TBC1D22A: variants seen among roughly 807,000 people sequenced by gnomAD.
TBC1D22A encodes TBC1 domain family member 22A.
A neutral mutation model predicts 60.2 loss-of-function variants in TBC1D22A; 38 were observed. The observed-to-expected ratio is 0.63, with a 90% CI of 0.49 to 0.83. The LOEUF (loss-of-function observed/expected upper bound fraction) is 0.83. Among genes scored for constraint, TBC1D22A ranks in the 40% least tolerant of loss-of-function variants. The probability of loss-of-function intolerance (pLI) is 0.00; values close to 1 mark genes in which losing one functional copy is unlikely to be tolerated. For missense variants in TBC1D22A, 628 were observed against 701.0 expected (o/e 0.90, Z 1.18); for synonymous variants, 302 against 281.7 (o/e 1.07, Z -0.72).
chr22:46,853,106 G>A (rs1984405), intron 4 of TBC1D22A, among the ~76,000 whole-genome samples: 46,488 of 151,996 alleles, frequency 0.31, 7,459 homozygotes, highest in African/African-American at 0.39. Flanking sequence ...TGTCTATGGA[G>A]AGATGGGGGC....
In TBC1D22A at chr22:46,869,128, C is replaced by T. The variant is rs186324823; in HGVS notation, c.638-9525C>T. Among the ~76,000 whole-genome samples the T allele has an allele frequency of 7.9e-5, 12 of 152,318 alleles. No homozygotes were observed. The East Asian group carries it at 2.3e-3, about 29-fold the overall frequency. ...CATTTCTTGTCTGCCTCCTTTACAC[C>T]CTTGTCCTTGTTTATGACATTATTC... is the stretch of plus-strand genomic sequence containing the variant. On this transcript the variant is annotated intron_variant, in intron 4 of 12. Coordinates refer to ENST00000337137, the MANE Select transcript of TBC1D22A (RefSeq NM_014346.5).
intron 1 of TBC1D22A, among the ~76,000 whole-genome samples, chr22:46,765,154 C>T (rs191989351): frequency 2.6e-5 from 4 of 152,290 alleles, no homozygotes; most frequent in Admixed American, 2.6e-4. Flanking sequence ...CTGAAGAGGG[C>T]AGAAGAAGAA....
chr22:47,066,711 C>T (rs552930790), intron 11 of TBC1D22A, among the ~76,000 whole-genome samples: 2 of 152,362 alleles, frequency 1.3e-5, no homozygotes, highest in East Asian at 3.9e-4. Flanking sequence ...CAGCCAGCCT[C>T]TTTGAAACTC....
intron 4 of TBC1D22A, among the ~76,000 whole-genome samples, chr22:46,837,850 C>G (rs1223481615): frequency 3.9e-5 from 6 of 152,162 alleles, no homozygotes; most frequent in Admixed American, 3.9e-4. Context: ...ATCACGAGGT[C>G]AGGAGTTCAA....
intron 10 of TBC1D22A, among the ~76,000 whole-genome samples, chr22:47,019,795 T>C (rs572504569): frequency 6.6e-6 from 1 of 151,462 alleles, no homozygotes; most frequent in African/African-American, 2.4e-5. Flanking sequence ...CCTTCCCCTC[T>C]GCCTTAACCC....
chr22:46,906,479 T>A (rs749284073), intron 7 of TBC1D22A, among the ~76,000 whole-genome samples: 2 of 152,148 alleles, frequency 1.3e-5, no homozygotes, highest in Non-Finnish European at 2.9e-5. Context: ...AGGCAGCACA[T>A]CCCTCAGCAG....
At chr22:46,925,435 C>T (rs543701001) in intron 8 of TBC1D22A, among the ~76,000 whole-genome samples, 1 of 152,390 alleles carries the variant, frequency 6.6e-6, no homozygotes, top group East Asian at 1.9e-4. Context: ...CACATCTTTG[C>T]ATTGCCCACG....
chr22:47,095,008 A>C (rs116314716), intron 11 of TBC1D22A, among the ~76,000 whole-genome samples: 1,763 of 152,382 alleles, frequency 0.012, 33 homozygotes, highest in African/African-American at 0.041. Flanking sequence ...GCTGGGTAGC[A>C]ACAGGCTCAT....
intron 11 of TBC1D22A, among the ~76,000 whole-genome samples, chr22:47,068,726 C>A (rs544201060): frequency 6.6e-6 from 1 of 152,158 alleles, no homozygotes; most frequent in Non-Finnish European, 1.5e-5. Context: ...AACAATTTCA[C>A]GCCGAAATCT....
At chr22:46,834,057 G>A (rs1229532323) in intron 4 of TBC1D22A, among the ~76,000 whole-genome samples, 1 of 151,530 alleles carries the variant, frequency 6.6e-6, no homozygotes, top group Non-Finnish European at 1.5e-5. Context: ...TATTTAAATT[G>A]TATTTGGACC....
chr22:46,792,524 C>T lies in TBC1D22A; in HGVS notation c.67C>T (p.Gln23Ter). The change falls in exon 2 of 13, where the codon CAG (glutamine) becomes TAG (stop). Residue 23 changes from glutamine (Q) to a stop codon, truncating the protein, a stop_gained. Coordinates refer to ENST00000337137, the MANE Select transcript of TBC1D22A (RefSeq NM_014346.5). LOFTEE classifies it high-confidence loss of function. ...TTTCCTTTTCTTTTCCATCAGCATC[C>T]AGCACGTGTATGGTGCCCAGCACCC... is the stretch of plus-strand genomic sequence containing the variant. ...RSNSKLPGSI[Q>*]HVYGAQHPPF... The T allele has an allele frequency of 6.2e-7, 1 of 1,614,222 alleles. No homozygotes were observed. Among genetic ancestry groups the T allele is most frequent in the Non-Finnish European group, 8.5e-7 (1 of 1,180,030 alleles).
chr22:46,814,990 CACTA>C (rs2085532939), intron 4 of TBC1D22A, among the ~76,000 whole-genome samples: 1 of 152,160 alleles, frequency 6.6e-6, no homozygotes, highest in Middle Eastern at 3.2e-3. Flanking sequence ...TTTCCCATGA[CACTA>C]ACTTTCTTTG....
At chr22:47,160,628 C>T (rs966431311) in intron 12 of TBC1D22A, among the ~76,000 whole-genome samples, 19 of 152,324 alleles carry the variant, frequency 1.2e-4, no homozygotes, top group African/African-American at 3.8e-4. Context: ...CAGGGGTCTT[C>T]GCTGGAGCCG....
At position 46,913,480 on chromosome 22, in the gene TBC1D22A, G is replaced by C. The variant is rs747245230; in HGVS notation, c.1015+1292G>C. ...TTTTACTGCAGCCCTCTGACACTTT[G>C]TTTCCATTTGTGATTTCATAGGAGG... On this transcript the variant is annotated intron_variant, in intron 8 of 12. Transcript: ENST00000337137. The C allele has an allele frequency of 3.0e-6, 4 of 1,328,892 alleles. No homozygotes were observed. In the African/African-American group the frequency reaches 6.0e-5, roughly 20 times the overall value. The allele number at this position is 1,328,892 out of a possible 1,614,324, so 82.3% of individuals were successfully genotyped here.
chr22:47,139,999 C>A (rs912260991), intron 12 of TBC1D22A, among the ~76,000 whole-genome samples: 1 of 152,212 alleles, frequency 6.6e-6, no homozygotes, highest in Non-Finnish European at 1.5e-5. Context: ...TCATTCATAT[C>A]TTTTTATAAT....
rs559090389 is a variant in TBC1D22A at position 47,147,080 on chromosome 22, C to T, written c.1426-26418C>T. ...CGCTGCGCAGAAGGAAGGCAGCCAG[C>T]CGCCCAGCCTGAGTCCAGAAGGGCG... On this transcript the variant is annotated intron_variant, in intron 12 of 12. Coordinates refer to ENST00000337137, the MANE Select transcript of TBC1D22A (RefSeq NM_014346.5). Among the ~76,000 whole-genome samples, 3 of 152,326 alleles carry T rather than the reference C, an allele frequency of 2.0e-5. No homozygotes were observed. The South Asian group carries it at 6.2e-4, about 32-fold the overall frequency.
At chr22:47,096,906 C>G (rs906345878) in intron 11 of TBC1D22A, among the ~76,000 whole-genome samples, 1 of 152,264 alleles carries the variant, frequency 6.6e-6, no homozygotes, top group Non-Finnish European at 1.5e-5. Context: ...CTCCCCCACC[C>G]TCAGTTCGCG....
intron 4 of TBC1D22A, among the ~76,000 whole-genome samples, chr22:46,806,515 TTTTAAA>T (rs1411441873): frequency 6.7e-6 from 1 of 149,690 alleles, no homozygotes; most frequent in Non-Finnish European, 1.5e-5. Flanking sequence ...TATTAAAAAT[TTTTAAA>T]TTTAAATTAA....
chr22:47,042,330 C>G (rs1245054610), intron 11 of TBC1D22A, among the ~76,000 whole-genome samples: 1 of 152,216 alleles, frequency 6.6e-6, no homozygotes, highest in East Asian at 1.9e-4. Context: ...GCCAGAGCCC[C>G]CATCAGTGCG....
Sources: gnomAD v4.1 joint callset for allele counts (sites outside exome capture counted in the v4.1 genomes callset) on GRCh38, gnomAD v4.1.1 for gene constraint, MANE v1.5 for transcripts, NCBI Gene and HGNC (gene_info 2026-07-23, HGNC 2026-07-21) for gene names.